Variants in FER observed in about 807,000 individuals in gnomAD.
The protein encoded by FER is tyrosine-protein kinase Fer.
In FER, 63 loss-of-function variants were observed where a neutral mutation model predicts 111.0. The observed-to-expected ratio is 0.57, with a 90% CI of 0.46 to 0.70. FER has a LOEUF of 0.70. FER is among the 30% of genes least tolerant of loss of function. The pLI is 0.00. For synonymous variants in FER, 327 were observed against 313.9 expected, an observed-to-expected ratio of 1.04 and a Z score of -0.44; for missense variants, 914 against 954.0, an observed-to-expected ratio of 0.96 and a Z score of 0.55.
chr5:109,153,209 T>TAAA (rs145045504), intron 17 of FER, among the ~76,000 whole-genome samples: 1 of 145,964 alleles, frequency 6.9e-6, no homozygotes. Context: ...GATTTTATGG[T>TAAA]AAAAAAAAAA....
rs140401026 is a variant in FER at position 108,792,002 on chromosome 5, A to G, written c.-59-6122A>G. On this transcript the variant is annotated intron_variant, in intron 2 of 19. Transcript: ENST00000281092. Reference sequence around the variant, plus strand: ...AAATCACTTTACCATAAATGTAAAGATTTGCATTTGGCCCCTCTAGTCTAT... The same window carrying G: ...AAATCACTTTACCATAAATGTAAAGGTTTGCATTTGGCCCCTCTAGTCTAT... 6.1e-3 allele frequency among the ~76,000 whole-genome samples: 933 copies of G among 152,282 alleles called. 6 individuals are homozygous for G. The highest frequency in any genetic ancestry group is 9.9e-3 in the Non-Finnish European group (670 of 68,014).
chr5:108,756,586 A>G (rs1290743857), intron 1 of FER, among the ~76,000 whole-genome samples: 1 of 152,116 alleles, frequency 6.6e-6, no homozygotes, highest in Non-Finnish European at 1.5e-5. Context: ...TATTAATGAT[A>G]ACATATAATG....
At chr5:109,061,375 A>G (rs1012132719) in intron 16 of FER, among the ~76,000 whole-genome samples, 46 of 152,162 alleles carry the variant, frequency 3.0e-4, no homozygotes, top group African/African-American at 1.1e-3. Context: ...AATATTTTAC[A>G]GTTGTCAAAG....
intron 16 of FER, among the ~76,000 whole-genome samples, chr5:109,075,615 G>A (rs892940805): frequency 4.2e-4 from 63 of 151,790 alleles, no homozygotes; most frequent in Admixed American, 1.3e-4. Context: ...AGTAGAGACG[G>A]GGTTTCACCG....
chr5:109,074,087 A>C (rs1161760015), intron 16 of FER, among the ~76,000 whole-genome samples: 5 of 152,214 alleles, frequency 3.3e-5, no homozygotes. Context: ...AAGGAAAAAT[A>C]AAAAGCTGGC....
At chr5:109,022,909 A>G (rs979447237) in intron 13 of FER, among the ~76,000 whole-genome samples, 1 of 152,150 alleles carries the variant, frequency 6.6e-6, no homozygotes, top group African/African-American at 2.4e-5. Context: ...ATTATGCCCT[A>G]TTATGCTATA....
At chr5:108,877,602 TTA>T (rs988747267) in intron 8 of FER, among the ~76,000 whole-genome samples, 3 of 152,214 alleles carry the variant, frequency 2.0e-5, no homozygotes, top group East Asian at 1.9e-4. Flanking sequence ...AAGAAATAGT[TTA>T]TGTTTTCAAT....
intron 2 of FER, among the ~76,000 whole-genome samples, chr5:108,787,838 C>G (rs779354421): frequency 3.2e-4 from 49 of 152,202 alleles, no homozygotes; most frequent in Non-Finnish European, 5.7e-4. Context: ...GACCTACCCA[C>G]TTTGAGTCTC....
intron 17 of FER, among the ~76,000 whole-genome samples, chr5:109,147,820 G>C (rs980993809): frequency 3.6e-4 from 54 of 149,038 alleles, no homozygotes; most frequent in African/African-American, 1.3e-3. Context: ...GAGAGAGAGA[G>C]AGAGAGACAG....
chr5:109,179,608 A>C (rs922328172), intron 17 of FER, among the ~76,000 whole-genome samples: 1 of 152,158 alleles, frequency 6.6e-6, no homozygotes, highest in African/African-American at 2.4e-5. Flanking sequence ...GGATTCAACC[A>C]TCCAGAGATT....
At chr5:109,131,731 A>G (rs1490034955) in intron 17 of FER, among the ~76,000 whole-genome samples, 1 of 152,146 alleles carries the variant, frequency 6.6e-6, no homozygotes, top group Non-Finnish European at 1.5e-5. Flanking sequence ...AGCAGCCATC[A>G]TATGCCATTA....
intron 17 of FER, among the ~76,000 whole-genome samples, chr5:109,169,659 A>C (rs540826222): frequency 4.6e-5 from 7 of 152,224 alleles, no homozygotes; most frequent in African/African-American, 1.7e-4. Flanking sequence ...TACTGGTGCT[A>C]CAATAAATAT....
At chr5:108,943,419 T>G (rs1395265377) in intron 10 of FER, among the ~76,000 whole-genome samples, 2 of 152,194 alleles carry the variant, frequency 1.3e-5, no homozygotes. Context: ...CCTTAGTGCC[T>G]CCTTTCAGAA....
chr5:109,059,494 C>T (rs780324723), intron 16 of FER, among the ~76,000 whole-genome samples: 25 of 152,276 alleles, frequency 1.6e-4, no homozygotes, highest in South Asian at 6.2e-4. Context: ...TGCCACTGCC[C>T]TCCAGCCTGG....
chr5:108,936,600 A>G (rs928067451), intron 10 of FER, among the ~76,000 whole-genome samples: 1 of 152,048 alleles, frequency 6.6e-6, no homozygotes, highest in Non-Finnish European at 1.5e-5. Flanking sequence ...ACATAGAAAT[A>G]GAGACCTGGT....
intron 17 of FER, among the ~76,000 whole-genome samples, chr5:109,170,935 GA>G (rs1355983574): frequency 6.6e-6 from 1 of 152,128 alleles, no homozygotes; most frequent in South Asian, 2.1e-4. Context: ...CGTTAGAGTT[GA>G]AAGGGTCATA....
intron 13 of FER, among the ~76,000 whole-genome samples, chr5:108,976,077 T>C (rs1199018979): frequency 6.6e-6 from 1 of 152,158 alleles, no homozygotes; most frequent in African/African-American, 2.4e-5. Context: ...AGAAAATACC[T>C]GAAGGTTTGG....
intron 18 of FER, among the ~76,000 whole-genome samples, chr5:109,184,344 G>A (rs184133462): frequency 3.3e-5 from 5 of 152,278 alleles, no homozygotes; most frequent in Non-Finnish European, 5.9e-5. Flanking sequence ...AAGAACAATA[G>A]GACCTTTTCC....
intron 2 of FER, among the ~76,000 whole-genome samples, chr5:108,789,329 T>C (rs1755092313): frequency 6.6e-6 from 1 of 152,124 alleles, no homozygotes; most frequent in Non-Finnish European, 1.5e-5. Context: ...ACTTGTCACA[T>C]AGAGTTTAAT....
Sources: allele counts gnomAD v4.1 joint callset (sites outside exome capture counted in the v4.1 genomes callset), GRCh38; gene constraint gnomAD v4.1.1; transcripts MANE v1.5; gene names NCBI Gene and HGNC (gene_info 2026-07-23, HGNC 2026-07-21).